The following GABRA5 variants were observed in gnomAD, a reference collection of about 807,000 sequenced individuals.
GABRA5 encodes gamma-aminobutyric acid type A receptor subunit alpha5, also known as gamma-aminobutyric acid receptor subunit alpha-5.
A neutral mutation model predicts 47.3 loss-of-function variants in GABRA5; 18 were observed. That is an observed-to-expected ratio of 0.38 (90% CI 0.26 to 0.56). The LOEUF (loss-of-function observed/expected upper bound fraction) is 0.56, where lower values mean the gene tolerates loss of function less well. Among genes scored for constraint, GABRA5 ranks in the 20% least tolerant of loss-of-function variants. The probability of loss-of-function intolerance (pLI) is 0.71; values close to 1 mark genes in which losing one functional copy is unlikely to be tolerated. For missense variants in GABRA5, 365 were observed against 599.3 expected (o/e 0.61, Z 4.08); for synonymous variants, 237 against 229.3 (o/e 1.03, Z -0.30).
chr15:26,933,306 A>C (rs1894154513), intron 7 of GABRA5, among the ~76,000 whole-genome samples: 1 of 152,098 alleles, frequency 6.6e-6, no homozygotes, highest in Admixed American at 6.6e-5. Flanking sequence ...AAAGACAGCC[A>C]CTCCATTTTA....
Position 26,914,809 on chromosome 15 carries a change from C to G in GABRA5, c.504C>G (p.Thr168=). The change falls in exon 7 of 11, where the codon ACC becomes ACG. Residue 168 remains threonine, a synonymous_variant. Coordinates refer to ENST00000335625, the MANE Select transcript of GABRA5 (RefSeq NM_000810.4). ...TTCATCTTTTATTTTTCAGCTTGAC[C>G]ATCTCTGCAGAGTGCCCCATGCAGC... ...DGTLLYTMRL[T]ISAECPMQLE... is the part of the protein sequence containing the mutation. 6.2e-7 allele frequency: 1 copy of G among 1,613,414 alleles called. No homozygotes were observed. Among genetic ancestry groups the G allele is most frequent in the Non-Finnish European group, 8.5e-7 (1 of 1,179,382 alleles).
rs1892771679 is a variant in GABRA5, at chr15:26,883,028, G to C, written c.209-138G>C. 5.4e-6 allele frequency: 4 copies of C among 737,718 alleles called. No individual in the cohort carries two copies. Among genetic ancestry groups the C allele is most frequent in the African/African-American group, 5.2e-5 (3 of 58,102 alleles). 45.7% of individuals were successfully genotyped at this position (737,718 alleles called of 1,614,324 possible). A position where few individuals can be genotyped will look rare whatever the true frequency, so the allele number is the denominator to read the frequency against. The stretch of plus-strand genomic sequence containing the variant: ...CTCGATTTCATCTGGTAATTGTCAA[G>C]TCCTCCAAATTTACCAAACGCACTG... On this transcript the variant is annotated intron_variant, in intron 4 of 10. Coordinates refer to ENST00000335625, the MANE Select transcript of GABRA5 (RefSeq NM_000810.4). This position sits in a 1 kb window ranked among gnomAD's most constrained non-coding sequence, Gnocchi z 4.8.
At chr15:26,943,107 G>C in intron 9 of GABRA5, 108 bp from the exon 10 acceptor site, 1 of 720,952 alleles carries the variant, frequency 1.4e-6, no homozygotes, top group Non-Finnish European at 2.2e-6. Context: ...AAATAAAAAT[G>C]ACTAGTCCCC....
chr15:26,945,277 G>A (rs949282825), intron 10 of GABRA5, among the ~76,000 whole-genome samples: 3 of 152,200 alleles, frequency 2.0e-5, no homozygotes, highest in Non-Finnish European at 2.9e-5. Context: ...TGGCGCGAGC[G>A]TGAATACCAC....
chr15:26,888,867 C>G (rs968096415), intron 6 of GABRA5, among the ~76,000 whole-genome samples: 2 of 152,186 alleles, frequency 1.3e-5, no homozygotes, highest in African/African-American at 2.4e-5. Flanking sequence ...CAAGTCCCCC[C>G]GGTAGGCTCT....
At chr15:26,934,867 A>G (rs1315171348) in intron 7 of GABRA5, among the ~76,000 whole-genome samples, 2 of 152,182 alleles carry the variant, frequency 1.3e-5, no homozygotes. Context: ...GGCAGGGTCA[A>G]CTCAGGGGAA....
chr15:26,872,891 T>C (rs1211881258), intron 3 of GABRA5, among the ~76,000 whole-genome samples: 2 of 152,202 alleles, frequency 1.3e-5, no homozygotes, highest in Non-Finnish European at 2.9e-5. Context: ...TTATATAGGA[T>C]AACTGATATG....
rs752619844 is a variant in GABRA5, at chr15:26,869,229, A to C, written c.-20A>C. The C allele has an allele frequency of 4.8e-6, 7 of 1,444,228 alleles. No individual in the cohort carries two copies. The highest frequency in any genetic ancestry group is 5.9e-6 in the Non-Finnish European group (6 of 1,024,998). The allele number at this position is 1,444,228 out of a possible 1,614,324, so 89.5% of individuals were successfully genotyped here. On this transcript the variant is annotated 5_prime_UTR_variant, in exon 3 of 11. Coordinates refer to ENST00000335625, the MANE Select transcript of GABRA5 (RefSeq NM_000810.4). ...TTATTCCTCCATATTCACCTGCTTC[A>C]ACTACTATTCTTATTGGGAATGGAC...
intron 3 of GABRA5, among the ~76,000 whole-genome samples, chr15:26,872,788 C>T (rs909817984): frequency 1.3e-5 from 2 of 152,142 alleles, no homozygotes; most frequent in East Asian, 1.9e-4. Flanking sequence ...GGGCTATGTG[C>T]GTGGACCAAG....
chr15:26,909,114 A>T (rs753816450), intron 6 of GABRA5, among the ~76,000 whole-genome samples: 1 of 152,174 alleles, frequency 6.6e-6, no homozygotes, highest in Non-Finnish European at 1.5e-5. Context: ...TGTGGGCAGG[A>T]TGGCCTCTCT....
intron 10 of GABRA5, 43 bp from the exon 11 acceptor site, chr15:26,947,891 G>T (rs773330541): frequency 6.6e-7 from 1 of 1,511,170 alleles, no homozygotes; most frequent in Non-Finnish European, 9.0e-7. Context: ...GCTGACCATT[G>T]CCTGCAAATG....
upstream of GABRA5, chr15:26,866,979 G>C (rs8036439): frequency 0.32 from 48,055 of 152,222 alleles, 9,388 homozygotes; most frequent in African/African-American, 0.55. Flanking sequence ...GGCCGAGCCG[G>C]GGGCCCTGCG....
intron 6 of GABRA5, among the ~76,000 whole-genome samples, chr15:26,911,769 A>G (rs1405492740): frequency 6.6e-6 from 1 of 152,046 alleles, no homozygotes; most frequent in Non-Finnish European, 1.5e-5. Context: ...GTTGGGGGTA[A>G]CTCGGACTCT....
intron 7 of GABRA5, among the ~76,000 whole-genome samples, chr15:26,930,003 C>T (rs143478758): frequency 0.23 from 25,077 of 110,862 alleles, 2,998 homozygotes; most frequent in South Asian, 0.28. Flanking sequence ...TCTTCTTCTT[C>T]TTCTTTTTTT....
chr15:26,900,029 T>G (rs1031726636), intron 6 of GABRA5, among the ~76,000 whole-genome samples: 1 of 152,116 alleles, frequency 6.6e-6, no homozygotes, highest in Non-Finnish European at 1.5e-5. Flanking sequence ...AATTTTCATG[T>G]AATTTCTTTT....
intron 6 of GABRA5, among the ~76,000 whole-genome samples, chr15:26,899,019 T>C (rs1263632713): frequency 6.6e-6 from 1 of 152,158 alleles, no homozygotes; most frequent in Non-Finnish European, 1.5e-5. Context: ...CATGACACCA[T>C]GCCCAGCTAA....
chr15:26,912,930 C>T (rs972676631), intron 6 of GABRA5, among the ~76,000 whole-genome samples: 2 of 152,160 alleles, frequency 1.3e-5, no homozygotes, highest in African/African-American at 4.8e-5. Flanking sequence ...CGCCTGTAAT[C>T]CCAGCACCTT....
intron 6 of GABRA5, among the ~76,000 whole-genome samples, chr15:26,908,063 C>T (rs897419845): frequency 6.6e-6 from 1 of 152,140 alleles, no homozygotes; most frequent in Admixed American, 6.5e-5. Context: ...AACAGGCTAC[C>T]TGTATTGCTA....
intron 7 of GABRA5, among the ~76,000 whole-genome samples, chr15:26,925,064 A>C (rs1463336506): frequency 1.3e-5 from 2 of 152,078 alleles, no homozygotes; most frequent in African/African-American, 4.8e-5. Context: ...ATAGAGGAAA[A>C]TGCATTTTCA....
Sources: gnomAD v4.1 joint callset for allele counts (sites outside exome capture counted in the v4.1 genomes callset) on GRCh38, gnomAD v4.1.1 for gene constraint, Gnocchi (gnomAD v3.1) non-coding constraint, MANE v1.5 for transcripts, NCBI Gene and HGNC (gene_info 2026-07-23, HGNC 2026-07-21) for gene names.